The following NTM variants were observed in gnomAD, a reference collection of about 807,000 sequenced individuals.
NTM encodes the protein neurotrimin.
NTM carries 13 observed loss-of-function variants against 42.1 expected under a neutral mutation model. The ratio of observed to expected loss-of-function variants is 0.31; its 90% CI spans 0.20 to 0.49. NTM has a LOEUF of 0.49. Among genes scored for constraint, NTM ranks in the 20% least tolerant of loss-of-function variants. NTM has a pLI of 0.99. For missense variants in NTM, 373 were observed against 452.8 expected (o/e 0.82, Z 1.60); for synonymous variants, 187 against 179.2 (o/e 1.04, Z -0.35).
intron 1 of NTM, among the ~76,000 whole-genome samples, chr11:131,567,629 A>G (rs1037807996): frequency 6.6e-6 from 1 of 152,248 alleles, no homozygotes; most frequent in African/African-American, 2.4e-5. Flanking sequence ...GAGGAATACA[A>G]CTTACCACAA....
chr11:131,648,711 C>T (rs748748882), intron 1 of NTM, among the ~76,000 whole-genome samples: 2 of 152,114 alleles, frequency 1.3e-5, no homozygotes, highest in Non-Finnish European at 2.9e-5. Context: ...ACCAACATGC[C>T]TTTATTATTC....
chr11:131,662,648 G>T (rs954686367), intron 1 of NTM, among the ~76,000 whole-genome samples: 2 of 152,196 alleles, frequency 1.3e-5, no homozygotes, highest in Non-Finnish European at 2.9e-5. Context: ...TGATTTAGCG[G>T]GAACATTCGT....
chr11:131,781,278 TAAA>T (rs141237685), intron 1 of NTM, among the ~76,000 whole-genome samples: 2 of 150,800 alleles, frequency 1.3e-5, no homozygotes, highest in Non-Finnish European at 3.0e-5. Flanking sequence ...AACAAAGAAG[TAAA>T]AAAAAATTAA....
At chr11:132,006,790 C>G (rs891391320) in intron 2 of NTM, among the ~76,000 whole-genome samples, 1 of 152,222 alleles carries the variant, frequency 6.6e-6, no homozygotes, top group African/African-American at 2.4e-5. Context: ...ATCTCAAGCC[C>G]CTTGTCCTCT....
chr11:132,320,577 A>T (rs1354743346), intron 7 of NTM, among the ~76,000 whole-genome samples: 1 of 152,202 alleles, frequency 6.6e-6, no homozygotes, highest in Non-Finnish European at 1.5e-5. Context: ...ATCAAACTGC[A>T]AGGTGGCAGT....
At chr11:132,281,267 A>G (rs147570041) in intron 4 of NTM, among the ~76,000 whole-genome samples, 33 of 152,300 alleles carry the variant, frequency 2.2e-4, no homozygotes, top group African/African-American at 7.5e-4. Flanking sequence ...GTGGAGCATA[A>G]TCACAAGCCT....
At chr11:131,723,777 AGTGTGCATGTGCGTGTGCATTTCT>A (rs2135419447) in intron 1 of NTM, among the ~76,000 whole-genome samples, 1 of 152,098 alleles carries the variant, frequency 6.6e-6, no homozygotes, top group South Asian at 2.1e-4. Context: ...TCAACAAAGA[AGTGTGCATGTGCGTGTGCATTTCT>A]GTGTGTATCT....
Position 131,961,000 on chromosome 11 carries a change from C to T in NTM, c.167+49352C>T, listed in dbSNP as rs1172700133. Among the ~76,000 whole-genome samples, 3 of 152,150 alleles carry T rather than the reference C, an allele frequency of 2.0e-5. No individual in the cohort carries two copies. In the East Asian group the frequency reaches 5.8e-4, roughly 29 times the overall value. ...ACAGCGTCTTCAACCTACTGGCCAT[C>T]ACCTTTTTCATCCAGGAGCATGTCA... On this transcript the variant is annotated intron_variant, in intron 2 of 8. Coordinates refer to ENST00000683400, the MANE Select transcript of NTM (RefSeq NM_001352005.2).
chr11:131,512,074 C>T (rs879868534), intron 1 of NTM, among the ~76,000 whole-genome samples: 7 of 152,062 alleles, frequency 4.6e-5, no homozygotes, highest in Non-Finnish European at 8.8e-5. Context: ...ACTCAAGTAC[C>T]GAGACCCACA....
chr11:131,753,173 A>C (rs1205819332), intron 1 of NTM, among the ~76,000 whole-genome samples: 2 of 152,176 alleles, frequency 1.3e-5, no homozygotes, highest in Non-Finnish European at 2.9e-5. Flanking sequence ...GAGAAATGCA[A>C]ATCAAAACAA....
intron 7 of NTM, among the ~76,000 whole-genome samples, chr11:132,323,268 T>G: frequency 6.6e-6 from 1 of 151,326 alleles, no homozygotes; most frequent in East Asian, 1.9e-4. Flanking sequence ...ATCAACAAAA[T>G]TGATAGACCG....
chr11:131,559,348 G>A (rs908413130), intron 1 of NTM, among the ~76,000 whole-genome samples: 1 of 152,208 alleles, frequency 6.6e-6, no homozygotes, highest in African/African-American at 2.4e-5. Flanking sequence ...TATTTCAATC[G>A]AGTGTTTCTT....
At chr11:131,614,071 G>C (rs2061690304) in intron 1 of NTM, among the ~76,000 whole-genome samples, 1 of 152,210 alleles carries the variant, frequency 6.6e-6, no homozygotes, top group South Asian at 2.1e-4. Context: ...GTGCACCATG[G>C]GGCGGAGATG....
intron 2 of NTM, among the ~76,000 whole-genome samples, chr11:132,005,331 G>C (rs959256198): frequency 2.6e-5 from 4 of 152,154 alleles, no homozygotes; most frequent in Non-Finnish European, 5.9e-5. Context: ...CCTTAGGTAA[G>C]ACACATTTTC....
At chr11:132,257,927 C>G in intron 4 of NTM, among the ~76,000 whole-genome samples, 1 of 152,174 alleles carries the variant, frequency 6.6e-6, no homozygotes, top group Non-Finnish European at 1.5e-5. Context: ...GCTCACCTGC[C>G]GTCCTAGTGG....
chr11:132,249,877 C>A (rs2091728976), intron 4 of NTM, among the ~76,000 whole-genome samples: 2 of 152,246 alleles, frequency 1.3e-5, no homozygotes, highest in South Asian at 4.1e-4. Flanking sequence ...CTTGGCCCAA[C>A]TTCATTGCCA....
chr11:132,236,500 G>T (rs897066969), intron 4 of NTM, among the ~76,000 whole-genome samples: 1 of 152,150 alleles, frequency 6.6e-6, no homozygotes, highest in African/African-American at 2.4e-5. Context: ...AAGTGGGACG[G>T]CATAACTATT....
chr11:131,998,546 CT>C (rs1006071989), intron 2 of NTM, among the ~76,000 whole-genome samples: 2 of 152,144 alleles, frequency 1.3e-5, no homozygotes, highest in South Asian at 2.1e-4. Context: ...AGCTGGTTGA[CT>C]TTTTTTTAAA....
intron 2 of NTM, among the ~76,000 whole-genome samples, chr11:132,071,916 C>CTCGTAACTCACACCTACCTGGATAT (rs1391938193): frequency 2.0e-5 from 3 of 152,140 alleles, no homozygotes. Context: ...ATCTTCTGTG[C>CTCGTAACTCACACCTACCTGGATAT]TCGTAACTCA....
Sources: gnomAD v4.1 joint callset for allele counts (sites outside exome capture counted in the v4.1 genomes callset) on GRCh38, gnomAD v4.1.1 for gene constraint, MANE v1.5 for transcripts, NCBI Gene and HGNC (gene_info 2026-07-23, HGNC 2026-07-21) for gene names.